The following RYR2 variants were observed in gnomAD, a reference collection of about 807,000 sequenced individuals.
RYR2 encodes the protein ryanodine receptor 2.
RYR2 carries 227 observed loss-of-function variants against 601.1 expected under a neutral mutation model. The ratio of observed to expected loss-of-function variants is 0.38; its 90% CI spans 0.34 to 0.42. The LOEUF is 0.42. Among genes scored for constraint, RYR2 ranks in the 10% least tolerant of loss-of-function variants. RYR2 has a pLI of 1.00. For missense variants in RYR2, 4,646 were observed against 6,156.5 expected, an observed-to-expected ratio of 0.75 and a Z score of 8.21; for synonymous variants, 2,223 against 2,175.1, an observed-to-expected ratio of 1.02 and a Z score of -0.61.
chr1:237,629,127 C>T (rs898534363), intron 41 of RYR2, among the ~76,000 whole-genome samples: 17 of 152,062 alleles, frequency 1.1e-4, no homozygotes, highest in Admixed American at 4.6e-4. Context: ...GGATGCAACA[C>T]GTTTTTTTGA....
intron 3 of RYR2, among the ~76,000 whole-genome samples, chr1:237,331,500 A>G (rs1416728906): frequency 6.6e-6 from 1 of 150,728 alleles, no homozygotes; most frequent in African/African-American, 2.5e-5. Context: ...TGAAAATTGA[A>G]ATTTTTCTTT....
intron 56 of RYR2, among the ~76,000 whole-genome samples, chr1:237,663,205 G>A (rs10925488): frequency 0.12 from 17,744 of 152,138 alleles, 3,120 homozygotes; most frequent in African/African-American, 0.38. Context: ...ATAGATTGTC[G>A]TTTCTCCGTT....
intron 11 of RYR2, among the ~76,000 whole-genome samples, chr1:237,421,265 A>AATG (rs1389259477): frequency 6.6e-6 from 1 of 152,122 alleles, no homozygotes; most frequent in Non-Finnish European, 1.5e-5. Context: ...TAATAATAAT[A>AATG]ATAATGATAA....
intron 3 of RYR2, among the ~76,000 whole-genome samples, chr1:237,351,342 GA>G (rs1698824326): frequency 6.6e-6 from 1 of 151,984 alleles, no homozygotes; most frequent in South Asian, 2.1e-4. Context: ...AAGAAATTAT[GA>G]AGTAGAATTT....
intron 3 of RYR2, among the ~76,000 whole-genome samples, chr1:237,349,463 T>C (rs1441039727): frequency 6.6e-6 from 1 of 152,092 alleles, no homozygotes; most frequent in Admixed American, 6.6e-5. Context: ...GATACCAGAC[T>C]GAAAAGAGTA....
chr1:237,592,288 G>A (rs759015028), intron 32 of RYR2, among the ~76,000 whole-genome samples: 1 of 152,122 alleles, frequency 6.6e-6, no homozygotes, highest in Non-Finnish European at 1.5e-5. Context: ...TGTGTTCATT[G>A]TAGAGTGATC....
At chr1:237,529,056 T>A (rs1458237026) in intron 24 of RYR2, among the ~76,000 whole-genome samples, 1 of 152,190 alleles carries the variant, frequency 6.6e-6, no homozygotes, top group Non-Finnish European at 1.5e-5. Flanking sequence ...CATAATTGCC[T>A]GTTGTCTGTA....
At chr1:237,805,996 G>A (rs1350767851) in intron 98 of RYR2, 141 bp from the exon 99 acceptor site, 3 of 676,392 alleles carry the variant, frequency 4.4e-6, no homozygotes, top group African/African-American at 1.8e-5. Context: ...ACTTCCATGA[G>A]ATTAACTTTT....
intron 1 of RYR2, among the ~76,000 whole-genome samples, chr1:237,144,801 G>A (rs1673804206): frequency 1.3e-5 from 2 of 152,180 alleles, no homozygotes. Context: ...AATAATAGAT[G>A]TAACATATAC....
rs778112871 is a variant in RYR2 at position 237,711,774 on chromosome 1, T to C, written c.10260T>C (p.Val3420=). The change falls in exon 71 of 105, where the codon GTT becomes GTC. Residue 3420 remains valine (V), a synonymous_variant. Coordinates refer to ENST00000366574, the MANE Select transcript of RYR2 (RefSeq NM_001035.3). The part of the protein sequence containing the change: ...HNFKREEQNF[V]VQNEINNMSF... ...TCAAAAGAGAAGAGCAGAACTTCGT[T>C]GTACAGAATGAAATCAACAATATGT... The C allele has an allele frequency of 3.1e-6, 5 of 1,589,538 alleles. No individual in the cohort carries two copies. In the Admixed American group the frequency reaches 8.4e-5, roughly 27 times the overall value.
intron 2 of RYR2, among the ~76,000 whole-genome samples, chr1:237,290,032 T>G (rs1692035552): frequency 6.6e-6 from 1 of 152,228 alleles, no homozygotes; most frequent in South Asian, 2.1e-4. Context: ...GGCCTACTCA[T>G]GGTTATTTAC....
At chr1:237,774,174 TC>T (rs1274852512) in intron 87 of RYR2, among the ~76,000 whole-genome samples, 1 of 152,166 alleles carries the variant, frequency 6.6e-6, no homozygotes, top group African/African-American at 2.4e-5. Context: ...TTTATAAAAT[TC>T]TGGGTTTTTC....
At chr1:237,706,675 G>A (rs1289581125) in intron 67 of RYR2, among the ~76,000 whole-genome samples, 8 of 152,136 alleles carry the variant, frequency 5.3e-5, no homozygotes, top group African/African-American at 1.9e-4. Context: ...GGTCATGAGA[G>A]CAGCAAAGTT....
In RYR2 at chr1:237,124,134, A is replaced by G. The variant is rs530494454; in HGVS notation, c.48+81565A>G. On this transcript the variant is annotated intron_variant, in intron 1 of 104. Coordinates refer to ENST00000366574, the MANE Select transcript of RYR2 (RefSeq NM_001035.3). ...TACGGTGAGTGTCATAATTATGAAAAAAGCTGGCATCTTGCCATTGGCTTA... is the reference window on the plus strand; with the variant it reads ...TACGGTGAGTGTCATAATTATGAAAGAAGCTGGCATCTTGCCATTGGCTTA... Among the ~76,000 whole-genome samples the G allele has an allele frequency of 1.1e-4, 16 of 152,310 alleles. No homozygotes were observed. The South Asian group carries it at 3.3e-3, about 32-fold the overall frequency.
At chr1:237,460,881 G>C (rs571507769) in intron 16 of RYR2, among the ~76,000 whole-genome samples, 9 of 152,218 alleles carry the variant, frequency 5.9e-5, no homozygotes, top group South Asian at 2.1e-4. Flanking sequence ...GCATATTGTT[G>C]TTCTTCTTAT....
chr1:237,057,437 A>G (rs1662304785), intron 1 of RYR2, among the ~76,000 whole-genome samples: 1 of 152,070 alleles, frequency 6.6e-6, no homozygotes, highest in African/African-American at 2.4e-5. Flanking sequence ...CACCCACCTC[A>G]GCCTCCCAAA....
chr1:237,160,795 G>A (rs1373938648), intron 1 of RYR2, among the ~76,000 whole-genome samples: 1 of 152,046 alleles, frequency 6.6e-6, no homozygotes, highest in Non-Finnish European at 1.5e-5. Context: ...GAAACTAAGA[G>A]TTGATTCTGA....
At chr1:237,262,042 T>C (rs1023207669) in intron 1 of RYR2, among the ~76,000 whole-genome samples, 6 of 152,034 alleles carry the variant, frequency 3.9e-5, no homozygotes, top group African/African-American at 1.4e-4. Flanking sequence ...TGCATCTGAG[T>C]GAATATCTTT....
At chr1:237,181,653 C>T (rs1388938433) in intron 1 of RYR2, among the ~76,000 whole-genome samples, 1 of 152,268 alleles carries the variant, frequency 6.6e-6, no homozygotes, top group Non-Finnish European at 1.5e-5. Flanking sequence ...ACATAGGACA[C>T]GAAACCCATC....
Sources: gnomAD v4.1 joint callset for allele counts (sites outside exome capture counted in the v4.1 genomes callset) on GRCh38, gnomAD v4.1.1 for gene constraint, MANE v1.5 for transcripts, NCBI Gene and HGNC (gene_info 2026-07-23, HGNC 2026-07-21) for gene names.